Variants in TOR1AIP2 observed in about 807,000 individuals in gnomAD.
TOR1AIP2 encodes torsin-1A-interacting protein 2.
Under a neutral mutation model 32.6 loss-of-function variants are expected in TOR1AIP2, and 20 were observed. The ratio of observed to expected loss-of-function variants is 0.61; its 90% confidence interval spans 0.43 to 0.89. The LOEUF (loss-of-function observed/expected upper bound fraction) is 0.89. Among genes scored for constraint, TOR1AIP2 ranks in the 40% least tolerant of loss-of-function variants. The pLI, the probability that TOR1AIP2 is intolerant of heterozygous loss-of-function variation, is 0.00. For synonymous variants in TOR1AIP2, 214 were observed against 210.8 expected, an observed-to-expected ratio of 1.02 and a Z score of -0.13; for missense variants, 456 against 553.8, an observed-to-expected ratio of 0.82 and a Z score of 1.77.
At chr1:179,864,167 T>C in intron 3 of TOR1AIP2, 3 of 985,482 alleles carry the variant, frequency 3.0e-6, no homozygotes, top group Non-Finnish European at 3.6e-6. Context: ...TAGAATGTGA[T>C]TTATCTGACA....
intron 5 of TOR1AIP2, among the ~76,000 whole-genome samples, chr1:179,848,172 T>TACTGCCTC (rs372687586): frequency 6.6e-6 from 1 of 152,342 alleles, no homozygotes; most frequent in East Asian, 1.9e-4. Context: ...CACAATTCCT[T>TACTGCCTC]ACTGCCTCTT....
At position 179,864,488 on chromosome 1, in the gene TOR1AIP2, C is replaced by T. The variant is rs1183188427; in HGVS notation, c.-147+948G>A. 6.3e-6 allele frequency: 7 copies of T among 1,107,084 alleles called. 1 individual carries two copies. Among genetic ancestry groups the T allele is most frequent in the African/African-American group, 3.3e-5 (2 of 61,180 alleles). The allele number at this position is 1,107,084 out of a possible 1,614,324, so 68.6% of individuals were successfully genotyped here. ...TTGTCATATGACACTCATTAGGTTG[C>T]AGAAATTTTTTTAGGAGTGGTAAGT... On this transcript the variant is annotated intron_variant, in intron 3 of 6. Transcript: ENST00000609928.
chr1:179,874,662 C>G (rs1236740925), intron 2 of TOR1AIP2: 2 of 152,152 alleles, frequency 1.3e-5, no homozygotes, highest in Non-Finnish European at 2.9e-5. Flanking sequence ...ACTTGGAAGG[C>G]TGAGGTAGGA....
chr1:179,864,485 T>C, intron 3 of TOR1AIP2: 1 of 1,104,748 alleles, frequency 9.1e-7, no homozygotes, highest in Non-Finnish European at 1.1e-6. Flanking sequence ...ACTCATTAGG[T>C]TGCAGAAATT....
chr1:179,858,901 C>A (rs543689910), intron 3 of TOR1AIP2: 1 of 563,140 alleles, frequency 1.8e-6, no homozygotes, highest in South Asian at 7.8e-5. Context: ...TCAGGAAGTA[C>A]TAAGACCATT....
chr1:179,868,506 T>C (rs999491692), intron 2 of TOR1AIP2: 1 of 152,190 alleles, frequency 6.6e-6, no homozygotes, highest in African/African-American at 2.4e-5. Context: ...CTAGTAAAAC[T>C]GAAGATGTGC....
intron 3 of TOR1AIP2, among the ~76,000 whole-genome samples, chr1:179,855,520 G>A (rs910144843): frequency 6.6e-6 from 1 of 152,182 alleles, no homozygotes; most frequent in Non-Finnish European, 1.5e-5. Flanking sequence ...CACACCAGCA[G>A]ACTGGTAAAA....
chr1:179,851,165 A>G lies in TOR1AIP2; in HGVS notation c.233T>C (p.Val78Ala), dbSNP rs1314662095. The change falls in exon 5 of 7, where the codon GTG becomes GCG. Residue 78 changes from valine to alanine, a missense_variant. Transcript: ENST00000609928. The stretch of plus-strand genomic sequence containing the variant: ...TGTTTTATCCTTTGGATGTTTCCCC[A>G]CATTTGCTTCATCTGGACTTTCTGA... ...DKSESPDEAN[V>A]GKHPKDKTED... 2.5e-6 allele frequency: 4 copies of G among 1,612,850 alleles called. No individual in the cohort carries two copies.
chr1:179,851,700 T>C (rs1696121312), intron 4 of TOR1AIP2, among the ~76,000 whole-genome samples: 1 of 152,196 alleles, frequency 6.6e-6, no homozygotes. Flanking sequence ...ACTTTTATAG[T>C]GGATGAGCCA....
chr1:179,850,887 G>T lies in TOR1AIP2; in HGVS notation c.511C>A (p.Gln171Lys). 1 of 1,614,096 alleles carries T rather than the reference G, an allele frequency of 6.2e-7. No individual in the cohort carries two copies. The highest frequency in any genetic ancestry group is 1.1e-5 in the South Asian group (1 of 91,074). Residue 171 changes from glutamine to lysine, a missense_variant, in exon 5 of 7, where the codon CAA becomes AAA. Physicochemically the swap from Gln to Lys is moderately conservative, Grantham distance 53. Transcript: ENST00000609928. Reference sequence around the variant, plus strand: ...CTCCTCAGTGTATCCTCACCCTCTTGCCCTGCACTGGAATGACCAGGACTC... The same window carrying T: ...CTCCTCAGTGTATCCTCACCCTCTTTCCCTGCACTGGAATGACCAGGACTC... ...AQSPGHSSAG[Q>K]EGEDTLRRRL...
At chr1:179,853,144 G>A (rs1436009779) in intron 3 of TOR1AIP2, among the ~76,000 whole-genome samples, 2 of 152,194 alleles carry the variant, frequency 1.3e-5, no homozygotes, top group Non-Finnish European at 2.9e-5. Context: ...TTAAGTCATT[G>A]CTGAAACAAT....
rs1695871880 is a variant in TOR1AIP2, at chr1:179,845,583, TTTAGATTA to T, written c.*480_*487del. The T allele has an allele frequency of 6.5e-6, 1 of 153,114 alleles. No homozygotes were observed. The highest frequency in any genetic ancestry group is 2.4e-5 in the African/African-American group (1 of 41,460). The allele number at this position is 153,114 out of a possible 1,614,324, so 9.5% of individuals were successfully genotyped here. A position where few individuals can be genotyped will look rare whatever the true frequency, so the allele number is the denominator to read the frequency against. On this transcript the variant is annotated 3_prime_UTR_variant, in exon 7 of 7. Transcript: ENST00000609928. Reference sequence around the variant, plus strand: ...TTAATATAAGATATAATCCCGTAACTTTAGATTATTAAAGTAAGGTTTGAAAATATTCA... The same window carrying T: ...TTAATATAAGATATAATCCCGTAACTTTAAAGTAAGGTTTGAAAATATTCA...
chr1:179,850,747 T>C (rs916450388), intron 5 of TOR1AIP2, 98 bp downstream of exon 5: 31 of 1,453,502 alleles, frequency 2.1e-5, no homozygotes, highest in Middle Eastern at 1.8e-4. Flanking sequence ...CTATGAAAGA[T>C]GACAAAAGTT....
In TOR1AIP2 at chr1:179,846,183, G is replaced by A; in HGVS notation, c.1301C>T (p.Ser434Phe). 6.2e-7 allele frequency: 1 copy of A among 1,614,222 alleles called. No homozygotes were observed. Among genetic ancestry groups the A allele is most frequent in the African/African-American group, 1.3e-5 (1 of 75,058 alleles). ...TTTGTCTGAGTCCATGTGGTTGAAG[G>A]AGGTGGGAGTGTCAGAGTTGGTAAA... Reference protein sequence around the residue: ...AKFTNSDTPTSFNHMDSDKLS... With the variant: ...AKFTNSDTPTFFNHMDSDKLS... The change falls in exon 7 of 7, where the codon TCC becomes TTC. Residue 434 changes from serine (S) to phenylalanine (F), a missense_variant. By Grantham distance (155) the Ser-to-Phe change is radical (BLOSUM62 -2). Transcript: ENST00000609928.
intron 3 of TOR1AIP2, chr1:179,861,918 T>C: frequency 1.0e-6 from 1 of 959,044 alleles, no homozygotes; most frequent in Non-Finnish European, 1.2e-6. Context: ...CAGGCTGGTC[T>C]TGAACTCCTG....
chr1:179,852,738 G>A lies in TOR1AIP2; in HGVS notation c.-73C>T. ...TTGGTTTTCCTTGTGAAGATGTCTTGTTTTCTTCTTGTCCCAAGTCCCAAC... is the reference window on the plus strand; with the variant it reads ...TTGGTTTTCCTTGTGAAGATGTCTTATTTTCTTCTTGTCCCAAGTCCCAAC... On this transcript the variant is annotated 5_prime_UTR_variant, in exon 4 of 7. An upstream open reading frame in the 5' UTR gains an earlier in-frame stop. Transcript: ENST00000609928. 6.2e-7 allele frequency: 1 copy of A among 1,608,266 alleles called. No homozygotes were observed. Among genetic ancestry groups the A allele is most frequent in the Non-Finnish European group, 8.5e-7 (1 of 1,176,724 alleles).
chr1:179,870,271 C>T (rs549912112), intron 2 of TOR1AIP2, among the ~76,000 whole-genome samples: 2 of 152,142 alleles, frequency 1.3e-5, no homozygotes, highest in Non-Finnish European at 2.9e-5. Flanking sequence ...TGGTGGCGGG[C>T]GCCTGTAGTC....
chr1:179,854,909 C>A (rs1363434689), intron 3 of TOR1AIP2, among the ~76,000 whole-genome samples: 1 of 151,906 alleles, frequency 6.6e-6, no homozygotes, highest in Non-Finnish European at 1.5e-5. Flanking sequence ...GTAATAAAAG[C>A]AATGGAACAC....
At position 179,852,761 on chromosome 1, in the gene TOR1AIP2, A is replaced by G; in HGVS notation, c.-96T>C. 1.3e-6 allele frequency: 2 copies of G among 1,595,092 alleles called. No individual in the cohort carries two copies. The highest frequency in any genetic ancestry group is 2.2e-5 in the South Asian group (2 of 89,124). On this transcript the variant is annotated 5_prime_UTR_variant, in exon 4 of 7. Coordinates refer to ENST00000609928, the MANE Select transcript of TOR1AIP2 (RefSeq NM_001199260.2). ...TTGTTTTCTTCTTGTCCCAAGTCCC[A>G]ACAGACTCATGCTTCCCATGGACCC...
Sources: gnomAD v4.1 joint callset for allele counts (sites outside exome capture counted in the v4.1 genomes callset) on GRCh38, gnomAD v4.1.1 for gene constraint, MANE v1.5 for transcripts, NCBI Gene and HGNC (gene_info 2026-07-23, HGNC 2026-07-21) for gene names.